Variants in FHL2 observed in about 807,000 individuals in gnomAD.
FHL2 encodes four and a half LIM domains 2, also known as four and a half LIM domains protein 2.
A neutral mutation model predicts 32.7 loss-of-function variants in FHL2; 20 were observed. The observed-to-expected ratio is 0.61, with a 90% confidence interval of 0.43 to 0.89. FHL2 has a LOEUF of 0.89. FHL2 is among the 40% of genes least tolerant of loss of function. FHL2 has a pLI of 0.00. For synonymous variants in FHL2, 123 were observed against 128.1 expected, an observed-to-expected ratio of 0.96 and a Z score of 0.27; for missense variants, 311 against 358.6, an observed-to-expected ratio of 0.87 and a Z score of 1.07.
intron 1 of FHL2, among the ~76,000 whole-genome samples, chr2:105,409,166 C>T (rs1197072215): frequency 4.6e-5 from 7 of 152,186 alleles, no homozygotes; most frequent in African/African-American, 1.2e-4. Flanking sequence ...AAAGGAGACC[C>T]TCTGCAGGAA....
chr2:105,358,991 G>T (rs775469385), downstream of FHL2: 2 of 152,174 alleles, frequency 1.3e-5, no homozygotes, highest in Non-Finnish European at 2.9e-5. Context: ...GATCCCTGGC[G>T]GGGGCCTGCC....
upstream of FHL2, chr2:105,399,081 AACCCCGCCGTGTCATTTG>A (rs1025730400): frequency 1.3e-6 from 2 of 1,487,026 alleles, no homozygotes; most frequent in Admixed American, 2.4e-5. Context: ...GCCCTCGAGA[AACCCCGCCGTGTCATTTG>A]ACCATATAAG....
chr2:105,404,477 T>C (rs541587814), intron 1 of FHL2, among the ~76,000 whole-genome samples: 1 of 152,252 alleles, frequency 6.6e-6, no homozygotes, highest in South Asian at 2.1e-4. Flanking sequence ...CACAGAAAGC[T>C]GGATTCGCTT....
chr2:105,399,884 G>A (rs548318931), upstream of FHL2, among the ~76,000 whole-genome samples: 7 of 152,318 alleles, frequency 4.6e-5, no homozygotes, highest in African/African-American at 1.4e-4. Context: ...GACCACAAAG[G>A]CGTCCTCGGC....
intron 1 of FHL2, among the ~76,000 whole-genome samples, chr2:105,412,048 G>A (rs181200536): frequency 1.3e-5 from 2 of 152,142 alleles, no homozygotes; most frequent in Admixed American, 6.5e-5. Context: ...TTCCGGTCAA[G>A]GTTAAGATAT....
intron 1 of FHL2, among the ~76,000 whole-genome samples, chr2:105,406,245 T>TA (rs1448865108): frequency 2.0e-5 from 3 of 152,136 alleles, no homozygotes; most frequent in African/African-American, 7.2e-5. Context: ...TTGGCAAAAA[T>TA]AAAAAAACCT....
intron 1 of FHL2, among the ~76,000 whole-genome samples, chr2:105,414,334 T>C (rs750480422): frequency 2.6e-5 from 4 of 152,132 alleles, no homozygotes; most frequent in Non-Finnish European, 5.9e-5. Context: ...GATTAGACCA[T>C]TGGCCACTAG....
At chr2:105,430,450 C>T (rs746510186) in intron 1 of FHL2, among the ~76,000 whole-genome samples, 9 of 152,132 alleles carry the variant, frequency 5.9e-5, no homozygotes, top group South Asian at 2.1e-4. Context: ...GCAGATCACC[C>T]GAGGTCAGGA....
At chr2:105,376,758 A>G (rs1681501423) in intron 3 of FHL2, 1 of 152,272 alleles carries the variant, frequency 6.6e-6, no homozygotes, top group South Asian at 2.1e-4. Flanking sequence ...AGGTGGGAGC[A>G]AGCCAGATGT....
intron 1 of FHL2, among the ~76,000 whole-genome samples, chr2:105,437,692 A>T (rs1220918700): frequency 6.6e-6 from 1 of 152,210 alleles, no homozygotes; most frequent in East Asian, 1.9e-4. Flanking sequence ...GTTTATATAT[A>T]TGATGTCTAT....
chr2:105,398,649 C>G (rs947166712), intron 1 of FHL2, among the ~76,000 whole-genome samples, 193 bp downstream of exon 1: 15 of 152,206 alleles, frequency 9.9e-5, no homozygotes, highest in Non-Finnish European at 1.3e-4. Flanking sequence ...CTCCAGCGCC[C>G]CCAGGGTCTA....
intron 1 of FHL2, among the ~76,000 whole-genome samples, chr2:105,420,862 T>G (rs1546668): frequency 0.6 from 90,490 of 152,018 alleles, 28,099 homozygotes; most frequent in African/African-American, 0.78. Context: ...TGGAGCTCAG[T>G]GGGGAATGCT....
chr2:105,438,423 T>G, exon 1 of FHL2: 1 of 985,590 alleles, frequency 1.0e-6, no homozygotes, highest in Non-Finnish European at 1.2e-6. Context: ...TTCTGTCTTC[T>G]GTCCTCCAGC....
intron 1 of FHL2, among the ~76,000 whole-genome samples, chr2:105,415,966 G>C (rs1438220874): frequency 6.6e-6 from 1 of 152,192 alleles, no homozygotes; most frequent in African/African-American, 2.4e-5. Flanking sequence ...AATTGAAACT[G>C]TGTGTGGAAC....
intron 2 of FHL2, among the ~76,000 whole-genome samples, chr2:105,393,096 G>C (rs1334718675): frequency 6.6e-6 from 1 of 151,956 alleles, no homozygotes; most frequent in Non-Finnish European, 1.5e-5. Flanking sequence ...GAGCCTGGCA[G>C]ATCCCTACAG....
At chr2:105,428,451 A>G (rs1225062933) in intron 1 of FHL2, among the ~76,000 whole-genome samples, 1 of 152,188 alleles carries the variant, frequency 6.6e-6, no homozygotes, top group Non-Finnish European at 1.5e-5. Flanking sequence ...TGGTGGATCA[A>G]ACCTGGCTGG....
At chr2:105,388,474 G>C (rs1299578078) in intron 2 of FHL2, among the ~76,000 whole-genome samples, 2 of 152,068 alleles carry the variant, frequency 1.3e-5, no homozygotes, top group Non-Finnish European at 2.9e-5. Context: ...ATTTTCTTCA[G>C]GAATAAATGG....
chr2:105,420,172 T>C (rs570724577), intron 1 of FHL2, among the ~76,000 whole-genome samples: 76 of 152,344 alleles, frequency 5.0e-4, no homozygotes, highest in African/African-American at 1.8e-3. Context: ...AAGATCAAGG[T>C]GTCAGCAGGG....
upstream of FHL2, chr2:105,399,196 C>A: frequency 7.0e-7 from 1 of 1,436,780 alleles, no homozygotes; most frequent in African/African-American, 1.5e-5. Flanking sequence ...GCCCCCGCCC[C>A]GGGCTGCGGC....
Sources: gnomAD v4.1 joint callset for allele counts (sites outside exome capture counted in the v4.1 genomes callset) on GRCh38, gnomAD v4.1.1 for gene constraint, MANE v1.5 for transcripts, NCBI Gene and HGNC (gene_info 2026-07-23, HGNC 2026-07-21) for gene names.